The following DNAAF5 variants were observed in gnomAD, a reference collection of about 807,000 sequenced individuals.
DNAAF5 encodes the protein HEAT repeat containing 2.
A neutral mutation model predicts 75.8 loss-of-function variants in DNAAF5; 64 were observed. The ratio of observed to expected loss-of-function variants is 0.84; its 90% confidence interval spans 0.69 to 1.04. The LOEUF (loss-of-function observed/expected upper bound fraction) is 1.04, where lower values mean the gene tolerates loss of function less well. DNAAF5 is among the 50% of genes least tolerant of loss of function. The probability of loss-of-function intolerance (pLI) is 0.00; values close to 1 mark genes in which losing one functional copy is unlikely to be tolerated. For missense variants in DNAAF5, 1,269 were observed against 1,178.5 expected (o/e 1.08, Z -1.12); for synonymous variants, 657 against 557.2 (o/e 1.18, Z -2.52).
chr7:762,255 G>A (rs1368571169), intron 7 of DNAAF5, among the ~76,000 whole-genome samples: 3 of 152,202 alleles, frequency 2.0e-5, no homozygotes, highest in Admixed American at 6.5e-5. Flanking sequence ...GGAGGCCGAG[G>A]TGGGCGGATC....
chr7:757,685 G>A (rs140344402), intron 6 of DNAAF5, among the ~76,000 whole-genome samples: 2 of 152,386 alleles, frequency 1.3e-5, no homozygotes, highest in Non-Finnish European at 2.9e-5. Flanking sequence ...GGAAGAAGAG[G>A]TGATGGCTTT....
chr7:743,854 A>T (rs1781998594), intron 4 of DNAAF5, among the ~76,000 whole-genome samples: 1 of 150,688 alleles, frequency 6.6e-6, no homozygotes, highest in African/African-American at 2.4e-5. Flanking sequence ...TTTTTGTTTC[A>T]ATAGGTTTTT....
At chr7:757,118 G>C in intron 6 of DNAAF5, 124 bp downstream of exon 6, 1 of 935,112 alleles carries the variant, frequency 1.1e-6, no homozygotes, top group Non-Finnish European at 1.6e-6. Flanking sequence ...GAAGCACCCA[G>C]CGACGTGTCT....
At position 761,664 on chromosome 7, in the gene DNAAF5, G is replaced by A; in HGVS notation, c.1471-89G>A. The A allele has an allele frequency of 5.1e-6, 7 of 1,377,342 alleles. No individual in the cohort carries two copies. The South Asian group carries it at 8.4e-5, about 16-fold the overall frequency. 85.3% of individuals were successfully genotyped at this position (1,377,342 alleles called of 1,614,324 possible). On this transcript the variant is annotated intron_variant, in intron 6 of 12. Coordinates refer to ENST00000297440, the MANE Select transcript of DNAAF5 (RefSeq NM_017802.4). ...CAGGGTCCCTCCCAGGATACGTGGG[G>A]ATTATGGGAGCTACAGTTCAAGATG... is the stretch of plus-strand genomic sequence containing the variant.
intron 12 of DNAAF5, among the ~76,000 whole-genome samples, chr7:781,434 C>A (rs1778936778): frequency 6.6e-6 from 1 of 152,212 alleles, no homozygotes; most frequent in African/African-American, 2.4e-5. Context: ...CGTGGACACC[C>A]CGGTTGCTTC....
chr7:754,600 G>C lies in DNAAF5; in HGVS notation c.1036G>C (p.Val346Leu). The C allele has an allele frequency of 1.2e-6, 2 of 1,614,088 alleles. No individual in the cohort carries two copies. The highest frequency in any genetic ancestry group is 1.1e-5 in the South Asian group (1 of 91,074). The change falls in exon 5 of 13, where the codon GTG becomes CTG. Residue 346 changes from valine to leucine, a missense_variant. Transcript: ENST00000297440. The surrounding 1 kb of genome is among the most constrained non-coding windows in gnomAD (Gnocchi z 4.8). ...PHYPPHERRP[V>L]LGCRELVFRN... ...CTTTTTCGTTCCAGAGCGCCGCCCT[G>C]TGCTGGGCTGCCGGGAGCTCGTCTT...
At chr7:769,744 G>A (rs968529742) in intron 8 of DNAAF5, among the ~76,000 whole-genome samples, 16 of 151,948 alleles carry the variant, frequency 1.1e-4, no homozygotes, top group African/African-American at 2.4e-4. Flanking sequence ...CGCAACTTCC[G>A]CCTCACGGGT....
intron 12 of DNAAF5, among the ~76,000 whole-genome samples, chr7:782,970 G>C (rs1030623626): frequency 6.6e-6 from 1 of 152,256 alleles, no homozygotes; most frequent in African/African-American, 2.4e-5. Flanking sequence ...GGCTGCTCTT[G>C]TTACGCAACG....
chr7:774,213 G>A lies in DNAAF5; in HGVS notation c.2082+15G>A, dbSNP rs1778677073. ...CGGCAGAGCAGGTACGGGGCTCCCT[G>A]CGTGCTCGGTGGACACCGGCCGGGG... is the stretch of plus-strand genomic sequence containing the variant. On this transcript the variant is annotated intron_variant, in intron 10 of 12. Transcript: ENST00000297440. 4.4e-6 allele frequency: 7 copies of A among 1,595,814 alleles called. No homozygotes were observed. The highest frequency in any genetic ancestry group is 6.0e-6 in the Non-Finnish European group (7 of 1,174,776).
chr7:775,511 G>GGTGTGTGTGTGT (rs10582414), intron 11 of DNAAF5, among the ~76,000 whole-genome samples: 6 of 150,504 alleles, frequency 4.0e-5, no homozygotes, highest in African/African-American at 1.5e-4. Context: ...TAAAAGTAGG[G>GGTGTGTGTGTGT]GTGTGTGTGT....
chr7:786,099 T>A lies in DNAAF5; in HGVS notation c.*446T>A, dbSNP rs749711618. The A allele has an allele frequency of 6.3e-6, 1 of 157,830 alleles. No homozygotes were observed. The highest frequency in any genetic ancestry group is 1.4e-5 in the Non-Finnish European group (1 of 71,892). 9.8% of individuals were successfully genotyped at this position (157,830 alleles called of 1,614,324 possible). A position where few individuals can be genotyped will look rare whatever the true frequency, so the allele number is the denominator to read the frequency against. ...CTTTTTGGGTTCTGTCTACTGAAAT[T>A]TAATATCTCAGTGAACAGACTAAAA... On this transcript the variant is annotated 3_prime_UTR_variant, in exon 13 of 13. Transcript: ENST00000297440.
At chr7:739,078 GGC>G in intron 2 of DNAAF5, among the ~76,000 whole-genome samples, 2 of 142,030 alleles carry the variant, frequency 1.4e-5, no homozygotes, top group African/African-American at 5.8e-5. Context: ...GCTGCAGTCT[GGC>G]TTGTCTCAGC....
intron 2 of DNAAF5, among the ~76,000 whole-genome samples, chr7:737,164 C>G (rs538379198): frequency 6.6e-6 from 1 of 152,182 alleles, no homozygotes; most frequent in African/African-American, 2.4e-5. Flanking sequence ...GGCGCCATCT[C>G]AGCTCACTGC....
In DNAAF5 at chr7:779,974, A is replaced by T. The variant is rs1394228824; in HGVS notation, c.2261A>T (p.Asp754Val). 7 of 1,614,010 alleles carry T rather than the reference A, an allele frequency of 4.3e-6. No homozygotes were observed. The highest frequency in any genetic ancestry group is 1.3e-5 in the African/African-American group (1 of 74,920). The part of the protein sequence containing the change: ...IYPELLKRLD[D>V]VSNDVRMAAA... The stretch of plus-strand genomic sequence containing the variant: ...CCAGAACTCTTAAAACGCCTAGATG[A>T]CGTGTCCAACGATGTGAGGATGGCA... Residue 754 changes from aspartate (D) to valine (V), a missense_variant, in exon 12 of 13, where the codon GAC becomes GTC. Transcript: ENST00000297440.
rs1188920913 is a variant in DNAAF5, at chr7:775,122, C to A, written c.2199C>A (p.Gly733=). Residue 733 remains glycine (G), a synonymous_variant, in exon 11 of 13, where the codon GGC becomes GGA. Transcript: ENST00000297440. ...RIINTFLKTS[G]GMTDPEKLIR... ...TCAACACGTTCTTAAAAACCTCGGG[C>A]GGCATGACGGATCCAGAGAAACTCA... 1.9e-6 allele frequency: 3 copies of A among 1,614,150 alleles called. No homozygotes were observed. Among genetic ancestry groups the A allele is most frequent in the Non-Finnish European group, 2.5e-6 (3 of 1,180,034 alleles).
chr7:779,933 G>C lies in DNAAF5; in HGVS notation c.2240-20G>C, dbSNP rs533719575. Reference sequence around the variant, plus strand: ...ATGTCTGCTCTAGACTCACACACCTGTCTCGCTCCCTCCTTCCAGAACTCT... The same window carrying C: ...ATGTCTGCTCTAGACTCACACACCTCTCTCGCTCCCTCCTTCCAGAACTCT... On this transcript the variant is annotated intron_variant, in intron 11 of 12. Coordinates refer to ENST00000297440, the MANE Select transcript of DNAAF5 (RefSeq NM_017802.4). The C allele has an allele frequency of 1.2e-6, 2 of 1,610,198 alleles. No homozygotes were observed. The highest frequency in any genetic ancestry group is 1.3e-5 in the African/African-American group (1 of 74,836).
At chr7:727,494 C>T (rs1051745772) in intron 1 of DNAAF5, 179 bp downstream of exon 1, 5 of 310,984 alleles carry the variant, frequency 1.6e-5, no homozygotes, top group African/African-American at 1.0e-4. Flanking sequence ...AAGCACCCCG[C>T]CCGGCCCCCT....
At position 756,811 on chromosome 7, in the gene DNAAF5, G is replaced by A. The variant is rs143584365; in HGVS notation, c.1287G>A (p.Thr429=). The A allele has an allele frequency of 4.8e-5, 77 of 1,613,848 alleles. No individual in the cohort carries two copies. Among genetic ancestry groups the A allele is most frequent in the Non-Finnish European group, 6.0e-5 (71 of 1,180,016 alleles). ...CCAGATCCGCAGAGCTCGTCGGGAC[G>A]TTTGTCAGCCCTGAGGTGTTTCTGA... ...SCTRSAELVG[T]FVSPEVFLKL... is the part of the protein sequence containing the mutation. Residue 429 remains threonine, a synonymous_variant, in exon 6 of 13, where the codon ACG becomes ACA. Coordinates refer to ENST00000297440, the MANE Select transcript of DNAAF5 (RefSeq NM_017802.4).
chr7:765,537 C>A (rs960085201), intron 8 of DNAAF5, among the ~76,000 whole-genome samples: 1 of 152,208 alleles, frequency 6.6e-6, no homozygotes, highest in Non-Finnish European at 1.5e-5. Flanking sequence ...TCTCCACCAT[C>A]TGTTCTTCCT....
Sources: allele counts gnomAD v4.1 joint callset (sites outside exome capture counted in the v4.1 genomes callset), GRCh38; gene constraint gnomAD v4.1.1; non-coding constraint Gnocchi (gnomAD v3.1); transcripts MANE v1.5; gene names NCBI Gene and HGNC (gene_info 2026-07-23, HGNC 2026-07-21).